TAFA5: variants seen among roughly 807,000 people sequenced by gnomAD.
The protein encoded by TAFA5 is TAFA chemokine like family member 5, also known as chemokine-like protein TAFA-5.
TAFA5 carries 6 observed loss-of-function variants against 15.3 expected under a neutral mutation model. The observed-to-expected ratio is 0.39, with a 90% CI of 0.21 to 0.77. The LOEUF (loss-of-function observed/expected upper bound fraction) is 0.77. Among genes scored for constraint, TAFA5 ranks in the 30% least tolerant of loss-of-function variants. The pLI, the probability that TAFA5 is intolerant of heterozygous loss-of-function variation, is 0.41. For synonymous variants in TAFA5, 103 were observed against 80.7 expected (o/e 1.28, Z -1.48); for missense variants, 161 against 193.1 (o/e 0.83, Z 0.98).
At chr22:48,662,640 G>C (rs778512279) in intron 2 of TAFA5, among the ~76,000 whole-genome samples, 2 of 152,220 alleles carry the variant, frequency 1.3e-5, no homozygotes, top group Non-Finnish European at 2.9e-5. Context: ...CTGCCCCCCG[G>C]CTGGTGCGAG....
At chr22:48,573,049 G>A (rs150746905) in intron 1 of TAFA5, among the ~76,000 whole-genome samples, 2 of 152,326 alleles carry the variant, frequency 1.3e-5, no homozygotes, top group Non-Finnish European at 2.9e-5. Context: ...CGGGCAGAAG[G>A]CACCCCCTCT....
intron 3 of TAFA5, among the ~76,000 whole-genome samples, chr22:48,736,617 A>G (rs1248548049): frequency 6.6e-6 from 1 of 152,242 alleles, no homozygotes; most frequent in African/African-American, 2.4e-5. Context: ...CGGAAAAACA[A>G]CCTTCATATA....
At position 48,490,807 on chromosome 22, in the gene TAFA5, A is replaced by C; in HGVS notation, c.112+1103A>C. Among the ~76,000 whole-genome samples, 2 of 118,488 alleles carry C rather than the reference A, an allele frequency of 1.7e-5. No individual in the cohort carries two copies. Among genetic ancestry groups the C allele is most frequent in the African/African-American group, 8.6e-5 (2 of 23,122 alleles). The allele number at this position is 118,488 out of a possible 152,430, so 77.7% of individuals were successfully genotyped here. A position where few individuals can be genotyped will look rare whatever the true frequency, so the allele number is the denominator to read the frequency against. ...AAAAAAAAAAAAAGGCCAGCACCGA[A>C]CCTCCCTCCACAGACACCACCTCCT... On this transcript the variant is annotated intron_variant, in intron 1 of 3. Transcript: ENST00000402357. This position sits in a 1 kb window ranked among gnomAD's most constrained non-coding sequence, Gnocchi z 5.8.
chr22:48,529,112 C>T (rs1336391124), intron 1 of TAFA5, among the ~76,000 whole-genome samples: 2 of 151,978 alleles, frequency 1.3e-5, no homozygotes, highest in East Asian at 1.9e-4. Context: ...CTCGCTCTGG[C>T]GCTGCATGCC....
At chr22:48,725,124 G>A (rs183567577) in intron 3 of TAFA5, among the ~76,000 whole-genome samples, 161 of 152,348 alleles carry the variant, frequency 1.1e-3, no homozygotes, top group African/African-American at 3.7e-3. Flanking sequence ...GAAGCCTGTC[G>A]GGCATCCTGT....
At chr22:48,638,505 A>G (rs1201484270) in intron 1 of TAFA5, among the ~76,000 whole-genome samples, 3 of 124,266 alleles carry the variant, frequency 2.4e-5, no homozygotes, top group Non-Finnish European at 5.0e-5. Flanking sequence ...AAGCCCTGGG[A>G]CACCACACAC....
At chr22:48,666,546 C>A (rs1927620029) in intron 2 of TAFA5, among the ~76,000 whole-genome samples, 2 of 152,338 alleles carry the variant, frequency 1.3e-5, no homozygotes, top group Admixed American at 6.5e-5. Context: ...AATACTGAGA[C>A]CCGTGACCAG....
intron 2 of TAFA5, among the ~76,000 whole-genome samples, chr22:48,689,007 AAAAAG>A (rs1056749761): frequency 1.4e-4 from 16 of 114,968 alleles, no homozygotes; most frequent in African/African-American, 6.0e-4. Context: ...AAAAAAAAAA[AAAAAG>A]AGAGAGAAAA....
rs145628758 is a variant in TAFA5, at chr22:48,597,189, A to G, written c.113-49408A>G. On this transcript the variant is annotated intron_variant, in intron 1 of 3. Coordinates refer to ENST00000402357, the MANE Select transcript of TAFA5 (RefSeq NM_001082967.3). ...CACCATTGATGGTCCCAGAGGGGAG[A>G]TAGTCAGGGCCTTCCCTGAGCGTGT... Among the ~76,000 whole-genome samples, 825 of 152,340 alleles carry G rather than the reference A, an allele frequency of 5.4e-3. 3 individuals carry two copies. Among genetic ancestry groups the G allele is most frequent in the Non-Finnish European group, 9.4e-3 (640 of 68,026 alleles).
intron 3 of TAFA5, among the ~76,000 whole-genome samples, chr22:48,749,253 CAAG>C (rs1930413060): frequency 6.6e-6 from 1 of 152,174 alleles, no homozygotes; most frequent in Non-Finnish European, 1.5e-5. Flanking sequence ...TGAGTCTGGG[CAAG>C]AAGAACTAAC....
At chr22:48,502,251 G>T (rs145583094) in intron 1 of TAFA5, among the ~76,000 whole-genome samples, 3 of 152,182 alleles carry the variant, frequency 2.0e-5, no homozygotes, top group South Asian at 2.1e-4. Flanking sequence ...TGTTGAGGCC[G>T]ATGGTCTGAG....
Position 48,572,625 on chromosome 22 carries a change from C to A in TAFA5, c.113-73972C>A, listed in dbSNP as rs147130904. Among the ~76,000 whole-genome samples the A allele has an allele frequency of 4.3e-3, 661 of 152,218 alleles. 2 individuals carry two copies. The highest frequency in any genetic ancestry group is 0.015 in the African/African-American group (630 of 41,516). On this transcript the variant is annotated intron_variant, in intron 1 of 3. Coordinates refer to ENST00000402357, the MANE Select transcript of TAFA5 (RefSeq NM_001082967.3). ...CCTGGCTTTTTTTGTGTGCCATGGG[C>A]CTGTTTGGAAGTCTGGTGAAGCCTG...
intron 1 of TAFA5, among the ~76,000 whole-genome samples, chr22:48,539,631 A>G (rs1256099352): frequency 6.6e-6 from 1 of 152,226 alleles, no homozygotes; most frequent in Non-Finnish European, 1.5e-5. Context: ...AGCTACAGCC[A>G]GGTCGGTGCC....
chr22:48,678,347 C>T (rs1010830164), intron 2 of TAFA5, among the ~76,000 whole-genome samples: 4 of 152,326 alleles, frequency 2.6e-5, no homozygotes, highest in South Asian at 2.1e-4. Flanking sequence ...GGCAGCCAGC[C>T]GAGCCACCCT....
chr22:48,542,795 G>T (rs1922505449), intron 1 of TAFA5, among the ~76,000 whole-genome samples: 1 of 142,052 alleles, frequency 7.0e-6, no homozygotes, highest in African/African-American at 2.6e-5. Context: ...CATGTGTGGT[G>T]TACAGTGTGT....
intron 2 of TAFA5, among the ~76,000 whole-genome samples, chr22:48,649,672 C>G (rs1010438062): frequency 2.0e-5 from 3 of 152,058 alleles, no homozygotes; most frequent in South Asian, 4.2e-4. Context: ...GACTGCTTCT[C>G]CCACAGCCAC....
intron 1 of TAFA5, among the ~76,000 whole-genome samples, chr22:48,555,593 C>T (rs1923007467): frequency 6.6e-6 from 1 of 152,216 alleles, no homozygotes; most frequent in Non-Finnish European, 1.5e-5. Context: ...CGCAAACCCA[C>T]TGAACACTGA....
At chr22:48,645,849 C>G (rs1207507855) in intron 1 of TAFA5, among the ~76,000 whole-genome samples, 1 of 152,174 alleles carries the variant, frequency 6.6e-6, no homozygotes, top group Non-Finnish European at 1.5e-5. Context: ...ACCTGGGTGC[C>G]ACCCGTGTAA....
chr22:48,493,244 C>T lies in TAFA5; in HGVS notation c.112+3540C>T, dbSNP rs188930161. Reference sequence around the variant, plus strand: ...GGTGGGGACCCAGACTATATTTCAGCGTACCAGGGAGAGTGAGGAAGACAG... The same window carrying T: ...GGTGGGGACCCAGACTATATTTCAGTGTACCAGGGAGAGTGAGGAAGACAG... On this transcript the variant is annotated intron_variant, in intron 1 of 3. Transcript: ENST00000402357. Among the ~76,000 whole-genome samples, 57 of 152,310 alleles carry T rather than the reference C, an allele frequency of 3.7e-4. 1 individual carries two copies. Among genetic ancestry groups the T allele is most frequent in the Admixed American group, 3.2e-3 (49 of 15,306 alleles).
Sources: gnomAD v4.1 joint callset for allele counts (sites outside exome capture counted in the v4.1 genomes callset) on GRCh38, gnomAD v4.1.1 for gene constraint, Gnocchi (gnomAD v3.1) non-coding constraint, MANE v1.5 for transcripts, NCBI Gene and HGNC (gene_info 2026-07-23, HGNC 2026-07-21) for gene names.